The following CHPT1 variants were observed in gnomAD, a reference collection of about 807,000 sequenced individuals.
CHPT1 encodes choline phosphotransferase 1, also known as cholinephosphotransferase 1.
CHPT1 carries 36 observed loss-of-function variants against 47.6 expected under a neutral mutation model. The observed-to-expected ratio is 0.76, with a 90% CI of 0.58 to 1.00. CHPT1 has a LOEUF of 1.00. Among genes scored for constraint, CHPT1 ranks in the 50% least tolerant of loss-of-function variants. The pLI, the probability that CHPT1 is intolerant of heterozygous loss-of-function variation, is 0.00. For missense variants in CHPT1, 458 were observed against 498.1 expected (o/e 0.92, Z 0.77); for synonymous variants, 194 against 186.3 (o/e 1.04, Z -0.33).
At chr12:101,704,535 G>A (rs1951604109) in intron 1 of CHPT1, among the ~76,000 whole-genome samples, 1 of 151,148 alleles carries the variant, frequency 6.6e-6, no homozygotes. Flanking sequence ...CCAAGCAGCT[G>A]GGATTACAGG....
At chr12:101,727,375 A>G (rs1951980913) in intron 8 of CHPT1, 1 of 152,168 alleles carries the variant, frequency 6.6e-6, no homozygotes. Flanking sequence ...CTCATTATGA[A>G]TACTACTAGA....
Position 101,714,636 on chromosome 12 carries a change from G to C in CHPT1, c.554G>C (p.Arg185Thr). Residue 185 changes from arginine to threonine, a missense_variant, in exon 3 of 9, where the codon AGA becomes ACA. Coordinates refer to ENST00000229266, the MANE Select transcript of CHPT1 (RefSeq NM_020244.3). ...CAGACTTATGTTTCAGGCATGTTGA[G>C]ATTTGGAAAGTAAGTATGCTTTTTA... ...HWQTYVSGML[R>T]FGKVDVTEIQ... 1 of 1,600,028 alleles carries C rather than the reference G, an allele frequency of 6.2e-7. No individual in the cohort carries two copies. The highest frequency in any genetic ancestry group is 1.1e-5 in the South Asian group (1 of 87,974).
chr12:101,713,687 A>AATCTAGTAGTAAATCTAGAGT, intron 1 of CHPT1, among the ~76,000 whole-genome samples: 1 of 152,146 alleles, frequency 6.6e-6, no homozygotes, highest in East Asian at 1.9e-4. Flanking sequence ...TGGGAGAGCA[A>AATCTAGTAGTAAATCTAGAGT]ATCTAGTCCC....
At chr12:101,709,097 C>T (rs1388288527) in intron 1 of CHPT1, among the ~76,000 whole-genome samples, 2 of 148,348 alleles carry the variant, frequency 1.3e-5, no homozygotes, top group Non-Finnish European at 3.0e-5. Flanking sequence ...CTCCCGTTTC[C>T]ATGAAGAGTC....
chr12:101,723,490 A>G (rs1467112275), intron 6 of CHPT1, among the ~76,000 whole-genome samples, 164 bp downstream of exon 6: 1 of 152,216 alleles, frequency 6.6e-6, no homozygotes, highest in East Asian at 1.9e-4. Context: ...ATATTCAGTT[A>G]AATTGTTTAG....
At chr12:101,726,474 G>C (rs1352986727) in intron 8 of CHPT1, 70 bp downstream of exon 8, 1 of 1,577,656 alleles carries the variant, frequency 6.3e-7, no homozygotes, top group Admixed American at 1.8e-5. Context: ...ATCTATGAGT[G>C]AAGGAAATCC....
At position 101,713,007 on chromosome 12, in the gene CHPT1, A is replaced by T. The variant is rs191881128; in HGVS notation, c.274-1083A>T. ...TTGGGATACTAGATTTTTTTCCCCT[A>T]AGATGTACTTTATGATGGCTGTAGT... is the stretch of plus-strand genomic sequence containing the variant. On this transcript the variant is annotated intron_variant, in intron 1 of 8. Coordinates refer to ENST00000229266, the MANE Select transcript of CHPT1 (RefSeq NM_020244.3). Among the ~76,000 whole-genome samples the T allele has an allele frequency of 2.6e-4, 38 of 148,340 alleles. 6 individuals are homozygous for T. The highest frequency in any genetic ancestry group is 5.4e-4 in the Non-Finnish European group (36 of 66,342).
intron 4 of CHPT1, among the ~76,000 whole-genome samples, chr12:101,719,288 A>C (rs1456694053): frequency 6.6e-6 from 1 of 152,150 alleles, no homozygotes; most frequent in Non-Finnish European, 1.5e-5. Flanking sequence ...ATGTTTTGGC[A>C]ATATCGTAGG....
intron 1 of CHPT1, among the ~76,000 whole-genome samples, chr12:101,712,584 A>G (rs1951712780): frequency 6.7e-6 from 1 of 148,392 alleles, no homozygotes; most frequent in Non-Finnish European, 1.5e-5. Flanking sequence ...TGCACAGTTC[A>G]ATTATTTTTA....
rs922089461 is a variant in CHPT1 at position 101,717,490 on chromosome 12, A to G, written c.648+678A>G. ...TATCAATAGTCAACAACTAACAGTC[A>G]TTCAATACTTATGTTCCTAAACATT... On this transcript the variant is annotated intron_variant, in intron 4 of 8. Coordinates refer to ENST00000229266, the MANE Select transcript of CHPT1 (RefSeq NM_020244.3). 4 of 299,052 alleles carry G rather than the reference A, an allele frequency of 1.3e-5. No individual in the cohort carries two copies. The East Asian group carries it at 2.4e-4, about 18-fold the overall frequency. 18.5% of individuals were successfully genotyped at this position (299,052 alleles called of 1,614,324 possible). A position where few individuals can be genotyped will look rare whatever the true frequency, so the allele number is the denominator to read the frequency against.
chr12:101,728,496 T>C (rs1952032810), intron 8 of CHPT1: 1 of 163,308 alleles, frequency 6.1e-6, no homozygotes, highest in African/African-American at 2.4e-5. Context: ...ATGCATCTTA[T>C]TGTCATTAGA....
chr12:101,698,889 T>G (rs1052446364), intron 1 of CHPT1, among the ~76,000 whole-genome samples: 2 of 152,198 alleles, frequency 1.3e-5, no homozygotes, highest in Non-Finnish European at 1.5e-5. Context: ...TGGAGTTCAC[T>G]CCCATCTATA....
intron 3 of CHPT1, chr12:101,714,894 C>T (rs1025175922): frequency 1.1e-4 from 34 of 306,838 alleles, no homozygotes; most frequent in Non-Finnish European, 1.4e-4. Flanking sequence ...CCCAAGTTTA[C>T]AATAGAGAGG....
At chr12:101,700,315 CCT>C (rs1951534518) in intron 1 of CHPT1, among the ~76,000 whole-genome samples, 1 of 106,866 alleles carries the variant, frequency 9.4e-6, no homozygotes. Context: ...TTAGGATCAG[CCT>C]CATGTGAAAA....
intron 1 of CHPT1, among the ~76,000 whole-genome samples, chr12:101,709,092 G>A (rs1402423506): frequency 6.7e-6 from 1 of 148,510 alleles, no homozygotes; most frequent in Non-Finnish European, 1.5e-5. Context: ...TGTAGCTCCC[G>A]TTTCCATGAA....
intron 1 of CHPT1, among the ~76,000 whole-genome samples, chr12:101,709,535 G>A (rs1040519897): frequency 6.7e-6 from 1 of 148,442 alleles, no homozygotes; most frequent in Non-Finnish European, 1.5e-5. Flanking sequence ...GTGAGAAAAT[G>A]CAACCTATTT....
chr12:101,703,317 C>T (rs1008436156), intron 1 of CHPT1, among the ~76,000 whole-genome samples: 2 of 152,038 alleles, frequency 1.3e-5, no homozygotes, highest in African/African-American at 4.8e-5. Flanking sequence ...TCAACAAGAA[C>T]CCTAATAAGT....
chr12:101,700,323 G>GA (rs5800482), intron 1 of CHPT1, among the ~76,000 whole-genome samples: 15,553 of 132,594 alleles, frequency 0.12, 1,775 homozygotes, highest in African/African-American at 0.31. Context: ...AGCCTCATGT[G>GA]AAAAAAAAAA....
intron 1 of CHPT1, among the ~76,000 whole-genome samples, chr12:101,708,062 T>G (rs974784158): frequency 3.3e-5 from 5 of 152,196 alleles, no homozygotes; most frequent in Non-Finnish European, 7.4e-5. Context: ...TTTTTTCCAG[T>G]ATAAGCTTTG....
Sources: allele counts gnomAD v4.1 joint callset (sites outside exome capture counted in the v4.1 genomes callset), GRCh38; gene constraint gnomAD v4.1.1; transcripts MANE v1.5; gene names NCBI Gene and HGNC (gene_info 2026-07-23, HGNC 2026-07-21).